Variants in EN2 observed in about 807,000 individuals in gnomAD.
EN2 encodes homeobox protein engrailed-2.
A neutral mutation model predicts 25.0 loss-of-function variants in EN2; 7 were observed. That is an observed-to-expected ratio of 0.28 (90% CI 0.16 to 0.53). The LOEUF is 0.53. Ranked by LOEUF, EN2 falls within the 20% of genes least tolerant of loss-of-function variation. The probability of loss-of-function intolerance (pLI) is 0.96; values close to 1 mark genes in which losing one functional copy is unlikely to be tolerated. For missense variants in EN2, 524 were observed against 501.8 expected (o/e 1.04, Z -0.42); for synonymous variants, 277 against 243.3 (o/e 1.14, Z -1.29).
intron 1 of EN2, among the ~76,000 whole-genome samples, chr7:155,462,090 GTTTTAC>G (rs1795703101): frequency 6.6e-6 from 1 of 152,224 alleles, no homozygotes. Flanking sequence ...ACATCCAGGA[GTTTTAC>G]TTTTATCTAG....
At position 155,464,098 on chromosome 7, in the gene EN2, G is replaced by T. The variant is rs1253044695; in HGVS notation, c.*1411G>T. On this transcript the variant is annotated 3_prime_UTR_variant, in exon 2 of 2. Coordinates refer to ENST00000297375, the MANE Select transcript of EN2 (RefSeq NM_001427.4). ...AGAACTCAGAATCCTCCAGGATCTA[G>T]AAGAAGGAAGAAAGTGTGTAAATAA... 2 of 152,130 alleles carry T rather than the reference G, an allele frequency of 1.3e-5. No homozygotes were observed. Among genetic ancestry groups the T allele is most frequent in the Non-Finnish European group, 2.9e-5 (2 of 68,006 alleles). 9.4% of individuals were successfully genotyped at this position (152,130 alleles called of 1,614,324 possible).
rs572702916 is a variant in EN2 at position 155,462,940 on chromosome 7, G to A, written c.*253G>A. 8.1e-6 allele frequency: 3 copies of A among 368,766 alleles called. No individual in the cohort carries two copies. Among genetic ancestry groups the A allele is most frequent in the Admixed American group, 4.6e-5 (1 of 21,810 alleles). The allele number at this position is 368,766 out of a possible 1,614,324, so 22.8% of individuals were successfully genotyped here. A position where few individuals can be genotyped will look rare whatever the true frequency, so the allele number is the denominator to read the frequency against. Reference sequence around the variant, plus strand: ...AATTTTATGGGTTTTTTTCTTTTTTGCGAAGGGGGCTGCTTAGGGTTTCAC... The same window carrying A: ...AATTTTATGGGTTTTTTTCTTTTTTACGAAGGGGGCTGCTTAGGGTTTCAC... On this transcript the variant is annotated 3_prime_UTR_variant, in exon 2 of 2. Transcript: ENST00000297375.
At chr7:155,460,931 T>G (rs901126551) in intron 1 of EN2, among the ~76,000 whole-genome samples, 1 of 152,158 alleles carries the variant, frequency 6.6e-6, no homozygotes, top group African/African-American at 2.4e-5. Context: ...GCTCCTGAGG[T>G]GGTGCCCACA....
intron 1 of EN2, among the ~76,000 whole-genome samples, chr7:155,459,866 G>A (rs548633706): frequency 1.3e-5 from 2 of 152,244 alleles, no homozygotes; most frequent in Non-Finnish European, 2.9e-5. Context: ...ATTCGCAGGG[G>A]CCCTGCAGAG....
rs1392865547 is a variant in EN2 at position 155,458,873 on chromosome 7, G to A, written c.496G>A (p.Gly166Ser). Residue 166 changes from glycine to serine, a missense_variant, in exon 1 of 2, where the codon GGC becomes AGC. Gly to Ser is a moderately conservative substitution (Grantham distance 56). Coordinates refer to ENST00000297375, the MANE Select transcript of EN2 (RefSeq NM_001427.4). ...CTCCAAGACGCTCTCGCTGCACGGT[G>A]GCGCCAAGAAAGGCGGCGACCCCGG... is the stretch of plus-strand genomic sequence containing the variant. ...GGSKTLSLHG[G>S]AKKGGDPGGP... 6.7e-7 allele frequency: 1 copy of A among 1,495,650 alleles called. No individual in the cohort carries two copies. The highest frequency in any genetic ancestry group is 8.8e-7 in the Non-Finnish European group (1 of 1,130,642). 92.6% of individuals were successfully genotyped at this position (1,495,650 alleles called of 1,614,324 possible). A position where few individuals can be genotyped will look rare whatever the true frequency, so the allele number is the denominator to read the frequency against.
chr7:155,460,314 G>T (rs1036523352), intron 1 of EN2, among the ~76,000 whole-genome samples: 11 of 152,100 alleles, frequency 7.2e-5, no homozygotes, highest in Non-Finnish European at 1.6e-4. Flanking sequence ...GGGCAGCACC[G>T]CCCGGCCCGG....
chr7:155,458,994 T>C lies in EN2; in HGVS notation c.617T>C (p.Leu206Pro). The change falls in exon 1 of 2, where the codon CTG becomes CCG. Residue 206 changes from leucine (L) to proline (P), a missense_variant. By Grantham distance (98) the Leu-to-Pro change is moderately conservative. Transcript: ENST00000297375. Reference protein sequence around the residue: ...DSDSSQAGANLGAQPMLWPAW... With the variant: ...DSDSSQAGANPGAQPMLWPAW... Reference sequence around the variant, plus strand: ...GACAGCTCGCAAGCCGGCGCCAACCTGGGCGCGCAGCCCATGCTCTGGCCG... The same window carrying C: ...GACAGCTCGCAAGCCGGCGCCAACCCGGGCGCGCAGCCCATGCTCTGGCCG... 2.6e-6 allele frequency: 4 copies of C among 1,562,054 alleles called. No individual in the cohort carries two copies. Among genetic ancestry groups the C allele is most frequent in the Non-Finnish European group, 3.4e-6 (4 of 1,164,150 alleles).
Position 155,458,699 on chromosome 7 carries a change from G to T in EN2, c.322G>T (p.Gly108Cys), listed in dbSNP as rs917046194. 32 of 1,321,162 alleles carry T rather than the reference G, an allele frequency of 2.4e-5. No individual in the cohort carries two copies. The highest frequency in any genetic ancestry group is 3.0e-5 in the Non-Finnish European group (31 of 1,042,794). 81.8% of individuals were successfully genotyped at this position (1,321,162 alleles called of 1,614,324 possible). Residue 108 changes from glycine to cysteine, a missense_variant, in exon 1 of 2, where the codon GGT (glycine) becomes TGT (cysteine). Coordinates refer to ENST00000297375, the MANE Select transcript of EN2 (RefSeq NM_001427.4). ...GGAGGEGGAS[G>C]AEGGGGAGGS... The stretch of plus-strand genomic sequence containing the variant: ...AGCCGGCGGCGAAGGCGGCGCGAGC[G>T]GTGCGGAGGGAGGCGGCGGCGCGGG...
intron 1 of EN2, among the ~76,000 whole-genome samples, chr7:155,461,571 C>T (rs1795697476): frequency 6.6e-6 from 1 of 152,212 alleles, no homozygotes; most frequent in Non-Finnish European, 1.5e-5. Context: ...CTGGGCTACC[C>T]TGCTGCCCAC....
At position 155,462,869 on chromosome 7, in the gene EN2, A is replaced by T; in HGVS notation, c.*182A>T. 1.4e-6 allele frequency: 1 copy of T among 708,952 alleles called. No individual in the cohort carries two copies. Among genetic ancestry groups the T allele is most frequent in the Non-Finnish European group, 2.1e-6 (1 of 483,916 alleles). The allele number at this position is 708,952 out of a possible 1,614,324, so 43.9% of individuals were successfully genotyped here. A position where few individuals can be genotyped will look rare whatever the true frequency, so the allele number is the denominator to read the frequency against. ...GGTGGTATAAAATCCAAAATATCTGACTATAAAATATTTTTTTGAGTTTTT... is the reference window on the plus strand; with the variant it reads ...GGTGGTATAAAATCCAAAATATCTGTCTATAAAATATTTTTTTGAGTTTTT... On this transcript the variant is annotated 3_prime_UTR_variant, in exon 2 of 2. Coordinates refer to ENST00000297375, the MANE Select transcript of EN2 (RefSeq NM_001427.4).
At position 155,464,434 on chromosome 7, in the gene EN2, C is replaced by T. The variant is rs949940593; in HGVS notation, c.*1747C>T. 9 of 152,610 alleles carry T rather than the reference C, an allele frequency of 5.9e-5. No homozygotes were observed. The highest frequency in any genetic ancestry group is 1.2e-4 in the African/African-American group (5 of 41,446). The allele number at this position is 152,610 out of a possible 1,614,324, so 9.5% of individuals were successfully genotyped here. On this transcript the variant is annotated 3_prime_UTR_variant, in exon 2 of 2. Coordinates refer to ENST00000297375, the MANE Select transcript of EN2 (RefSeq NM_001427.4). ...CTCCCTGAGGACTGAGGGTGAACTTCGCTCTTTGCCTTAAACCTCTTTATT... is the reference window on the plus strand; with the variant it reads ...CTCCCTGAGGACTGAGGGTGAACTTTGCTCTTTGCCTTAAACCTCTTTATT...
rs1453279842 is a variant in EN2, at chr7:155,464,277, G to A, written c.*1590G>A. The A allele has an allele frequency of 6.6e-6, 1 of 152,126 alleles. No individual in the cohort carries two copies. Among genetic ancestry groups the A allele is most frequent in the South Asian group, 2.1e-4 (1 of 4,808 alleles). 9.4% of individuals were successfully genotyped at this position (152,126 alleles called of 1,614,324 possible). A position where few individuals can be genotyped will look rare whatever the true frequency, so the allele number is the denominator to read the frequency against. On this transcript the variant is annotated 3_prime_UTR_variant, in exon 2 of 2. Coordinates refer to ENST00000297375, the MANE Select transcript of EN2 (RefSeq NM_001427.4). ...AACAAACACATTATCTATATATAAC[G>A]CCACACTGTCTTCTGTTTAGTGTAT...
In EN2 at chr7:155,458,324, G is replaced by A; in HGVS notation, c.-54G>A. ...CGTGTGCGCCGCGGGAGGGCCGAAG[G>A]CTGATTTGGAAGGGCGTCCCCGGAG... On this transcript the variant is annotated 5_prime_UTR_variant, in exon 1 of 2. Coordinates refer to ENST00000297375, the MANE Select transcript of EN2 (RefSeq NM_001427.4). The A allele has an allele frequency of 1.6e-6, 2 of 1,271,184 alleles. No homozygotes were observed. The highest frequency in any genetic ancestry group is 2.0e-6 in the Non-Finnish European group (2 of 1,001,796). 78.7% of individuals were successfully genotyped at this position (1,271,184 alleles called of 1,614,324 possible).
At chr7:155,460,995 A>T (rs1266801465) in intron 1 of EN2, among the ~76,000 whole-genome samples, 1 of 152,160 alleles carries the variant, frequency 6.6e-6, no homozygotes, top group East Asian at 1.9e-4. Flanking sequence ...TCACTTGGCC[A>T]TGAGGGAGTG....
chr7:155,458,497 G>A lies in EN2; in HGVS notation c.120G>A (p.Ala40=), dbSNP rs1231961210. 5 of 1,314,760 alleles carry A rather than the reference G, an allele frequency of 3.8e-6. No homozygotes were observed. Among genetic ancestry groups the A allele is most frequent in the Non-Finnish European group, 4.9e-6 (5 of 1,030,054 alleles). The allele number at this position is 1,314,760 out of a possible 1,614,324, so 81.4% of individuals were successfully genotyped here. A position where few individuals can be genotyped will look rare whatever the true frequency, so the allele number is the denominator to read the frequency against. The change falls in exon 1 of 2, where the codon GCG becomes GCA. Residue 40 remains alanine (A), a synonymous_variant. Coordinates refer to ENST00000297375, the MANE Select transcript of EN2 (RefSeq NM_001427.4). Reference sequence around the variant, plus strand: ...GCGGCGGTAGCAGCCCGGGCGAAGCGGACACCGGGCGCCGGCGGGCTCTGA... The same window carrying A: ...GCGGCGGTAGCAGCCCGGGCGAAGCAGACACCGGGCGCCGGCGGGCTCTGA... The part of the protein sequence containing the change: ...GGGGGSSPGE[A]DTGRRRALML...
Position 155,458,811 on chromosome 7 carries a change from C to G in EN2, c.434C>G (p.Ala145Gly), listed in dbSNP as rs552755714. 49 of 1,409,672 alleles carry G rather than the reference C, an allele frequency of 3.5e-5. No homozygotes were observed. The Admixed American group carries it at 1.2e-3, about 35-fold the overall frequency. The allele number at this position is 1,409,672 out of a possible 1,614,324, so 87.3% of individuals were successfully genotyped here. A position where few individuals can be genotyped will look rare whatever the true frequency, so the allele number is the denominator to read the frequency against. ...CAPGAGGPLP[A>G]AGSDSPGDGE... is the part of the protein sequence containing the mutation. ...CCCGGCGCGGGCGGGCCGCTCCCAGCCGCCGGCAGCGACTCTCCGGGTGAC... is the reference window on the plus strand; with the variant it reads ...CCCGGCGCGGGCGGGCCGCTCCCAGGCGCCGGCAGCGACTCTCCGGGTGAC... Residue 145 changes from alanine to glycine, a missense_variant, in exon 1 of 2, where the codon GCC becomes GGC. Transcript: ENST00000297375.
At chr7:155,459,196 C>G in intron 1 of EN2, 134 bp downstream of exon 1, 4 of 1,038,624 alleles carry the variant, frequency 3.9e-6, no homozygotes, top group South Asian at 1.8e-5. Flanking sequence ...AAGACTCACG[C>G]GACATTGTGT....
At position 155,458,720 on chromosome 7, in the gene EN2, G is replaced by A; in HGVS notation, c.343G>A (p.Ala115Thr). The change falls in exon 1 of 2, where the codon GCG (alanine) becomes ACG (threonine). Residue 115 changes from alanine (A) to threonine (T), a missense_variant. Coordinates refer to ENST00000297375, the MANE Select transcript of EN2 (RefSeq NM_001427.4). ...GAGCGGTGCGGAGGGAGGCGGCGGC[G>A]CGGGCGGCTCGGAGCAGCTCTTGGG... ...GASGAEGGGG[A>T]GGSEQLLGSG... 1 of 1,329,084 alleles carries A rather than the reference G, an allele frequency of 7.5e-7. No individual in the cohort carries two copies. The highest frequency in any genetic ancestry group is 2.0e-5 in the South Asian group (1 of 48,804). The allele number at this position is 1,329,084 out of a possible 1,614,324, so 82.3% of individuals were successfully genotyped here.
At position 155,458,275 on chromosome 7, in the gene EN2, G is replaced by T. The variant is rs903294612; in HGVS notation, c.-103G>T. 2 of 1,240,370 alleles carry T rather than the reference G, an allele frequency of 1.6e-6. No homozygotes were observed. The highest frequency in any genetic ancestry group is 2.0e-6 in the Non-Finnish European group (2 of 983,740). The allele number at this position is 1,240,370 out of a possible 1,614,324, so 76.8% of individuals were successfully genotyped here. On this transcript the variant is annotated 5_prime_UTR_variant, in exon 1 of 2. Coordinates refer to ENST00000297375, the MANE Select transcript of EN2 (RefSeq NM_001427.4). ...GCCGCGCACGCCCTCGGAAGACTCG[G>T]CGGGGTGGGGGCGCGGGGGTCTCCG...
Sources: gnomAD v4.1 joint callset for allele counts (sites outside exome capture counted in the v4.1 genomes callset) on GRCh38, gnomAD v4.1.1 for gene constraint, MANE v1.5 for transcripts, NCBI Gene and HGNC (gene_info 2026-07-23, HGNC 2026-07-21) for gene names.